ALG9: variants seen among roughly 807,000 people sequenced by gnomAD.
The protein encoded by ALG9 is ALG9 alpha-1,2-mannosyltransferase.
ALG9 carries 55 observed loss-of-function variants against 81.8 expected under a neutral mutation model. That is an observed-to-expected ratio of 0.67 (90% confidence interval 0.54 to 0.84). The LOEUF is 0.84. Among genes scored for constraint, ALG9 ranks in the 40% least tolerant of loss-of-function variants. The pLI is 0.00. For missense variants in ALG9, 629 were observed against 745.0 expected (o/e 0.84, Z 1.81); for synonymous variants, 278 against 274.3 (o/e 1.01, Z -0.13).
intron 14 of ALG9, among the ~76,000 whole-genome samples, chr11:111,803,140 T>C (rs1555081909): frequency 1.3e-5 from 2 of 152,202 alleles, no homozygotes; most frequent in Non-Finnish European, 2.9e-5. Context: ...TTTGTGGATG[T>C]TGACAAACTG....
intron 14 of ALG9, chr11:111,788,494 A>G (rs1364614684): frequency 2.2e-6 from 1 of 453,414 alleles, no homozygotes; most frequent in African/African-American, 2.0e-5. Flanking sequence ...CTGTAATCCC[A>G]ATATTTTGAG....
rs781974427 is a variant in ALG9 at position 111,786,393 on chromosome 11, G to A, written c.*4C>T. Reference sequence around the variant, plus strand: ...GGTTGTCCTTTGGGGCCACAGGTGTGTTGCTAACCTCCACTTTTCTTCCTG... The same window carrying A: ...GGTTGTCCTTTGGGGCCACAGGTGTATTGCTAACCTCCACTTTTCTTCCTG... On this transcript the variant is annotated 3_prime_UTR_variant, in exon 15 of 15. Transcript: ENST00000616540. 2.5e-5 allele frequency: 41 copies of A among 1,613,854 alleles called. No individual in the cohort carries two copies. In the Admixed American group the frequency reaches 6.8e-4, roughly 27 times the overall value.
intron 13 of ALG9, among the ~76,000 whole-genome samples, chr11:111,833,622 G>A (rs1954754300): frequency 6.6e-6 from 1 of 152,124 alleles, no homozygotes; most frequent in South Asian, 2.1e-4. Flanking sequence ...GCCACCCAGA[G>A]CTAAAGGTCC....
rs1946065058 is a variant in ALG9 at position 111,782,890 on chromosome 11, A to G, written c.*3507T>C. On this transcript the variant is annotated 3_prime_UTR_variant, in exon 15 of 15. Coordinates refer to ENST00000616540, the MANE Select transcript of ALG9 (RefSeq NM_024740.2). ...TTTAAAACAAAGGGTCTATTTCCAA[A>G]CTTGAATTCGGTAATAAAGAGTATG... is the stretch of plus-strand genomic sequence containing the variant. The G allele has an allele frequency of 6.6e-6, 1 of 152,226 alleles. No homozygotes were observed. Among genetic ancestry groups the G allele is most frequent in the Admixed American group, 6.5e-5 (1 of 15,282 alleles). The allele number at this position is 152,226 out of a possible 1,614,324, so 9.4% of individuals were successfully genotyped here.
At chr11:111,845,584 C>A (rs1400745670) in intron 8 of ALG9, among the ~76,000 whole-genome samples, 2 of 152,120 alleles carry the variant, frequency 1.3e-5, no homozygotes, top group Non-Finnish European at 2.9e-5. Context: ...TATTCTTTAA[C>A]TCAAAATCCT....
At chr11:111,862,887 G>GT (rs1555149297) in intron 4 of ALG9, among the ~76,000 whole-genome samples, 1 of 151,986 alleles carries the variant, frequency 6.6e-6, no homozygotes, top group African/African-American at 2.4e-5. Context: ...TGAACGTTCT[G>GT]TTGACTGTTA....
At chr11:111,840,029 G>A (rs1433295861) in intron 10 of ALG9, among the ~76,000 whole-genome samples, 4 of 152,170 alleles carry the variant, frequency 2.6e-5, no homozygotes, top group African/African-American at 9.6e-5. Flanking sequence ...GCACACATCT[G>A]TGAATAGACT....
At chr11:111,864,437 C>T (rs1961566402) in intron 4 of ALG9, 10 of 761,164 alleles carry the variant, frequency 1.3e-5, no homozygotes, top group Admixed American at 1.0e-4. Context: ...CTTCAGACCC[C>T]AGAAAATCTG....
intron 4 of ALG9, 67 bp downstream of exon 4, chr11:111,865,114 C>A: frequency 2.4e-6 from 3 of 1,267,208 alleles, no homozygotes; most frequent in Non-Finnish European, 3.3e-6. Flanking sequence ...TAGACTATCA[C>A]AACAGATAAT....
chr11:111,774,501 CAT>C, the ALG9 span, among the ~76,000 whole-genome samples: 14 of 152,338 alleles, frequency 9.2e-5, no homozygotes, highest in East Asian at 1.3e-3. Flanking sequence ...TAGAAGGACA[CAT>C]GTGATGAATA....
chr11:111,793,888 C>T (rs902486621), intron 14 of ALG9, among the ~76,000 whole-genome samples: 18 of 152,014 alleles, frequency 1.2e-4, no homozygotes, highest in African/African-American at 4.1e-4. Flanking sequence ...AAAACTCATA[C>T]AATAATGTCT....
At chr11:111,864,229 A>C in intron 4 of ALG9, 1 of 793,356 alleles carries the variant, frequency 1.3e-6, no homozygotes, top group Non-Finnish European at 2.2e-6. Flanking sequence ...CCAACCCACG[A>C]ACTGGCCCGG....
intron 14 of ALG9, among the ~76,000 whole-genome samples, chr11:111,788,159 C>A (rs139510027): frequency 9.2e-5 from 14 of 152,314 alleles, no homozygotes; most frequent in Non-Finnish European, 1.8e-4. Context: ...AAATTCTAAA[C>A]TTGTAAATGT....
intron 13 of ALG9, among the ~76,000 whole-genome samples, chr11:111,833,183 T>C (rs142260399): frequency 1.3e-5 from 2 of 152,306 alleles, no homozygotes; most frequent in East Asian, 3.9e-4. Flanking sequence ...CTAAATCATA[T>C]ACTAGATTTG....
chr11:111,836,116 T>C (rs373098545), intron 13 of ALG9, 49 bp downstream of exon 13: 43 of 1,611,642 alleles, frequency 2.7e-5, no homozygotes, highest in Middle Eastern at 1.6e-4. Context: ...AACAGACTTT[T>C]AGGCATAGAA....
intron 13 of ALG9, chr11:111,814,787 A>G (rs1468461750): frequency 6.6e-6 from 1 of 152,230 alleles, no homozygotes; most frequent in African/African-American, 2.4e-5. Flanking sequence ...CTCTCTAAAA[A>G]TGATCCTTTG....
chr11:111,870,206 AAG>A, intron 2 of ALG9, 24 bp downstream of exon 2: 1 of 1,604,766 alleles, frequency 6.2e-7, no homozygotes, highest in Non-Finnish European at 8.5e-7. Flanking sequence ...CAAGAACAAA[AAG>A]AGAAAACTAA....
intron 4 of ALG9, among the ~76,000 whole-genome samples, chr11:111,863,910 C>A (rs749274008): frequency 6.6e-6 from 1 of 152,082 alleles, no homozygotes; most frequent in Non-Finnish European, 1.5e-5. Context: ...TAGTTTTTAA[C>A]AGAATTAAAA....
In ALG9 at chr11:111,860,590, T is replaced by G. The variant is rs782560403; in HGVS notation, c.522A>C (p.Leu174=). The G allele has an allele frequency of 3.7e-6, 6 of 1,614,098 alleles. No individual in the cohort carries two copies. In the South Asian group the frequency reaches 6.6e-5, roughly 18 times the overall value. Reference sequence around the variant, plus strand: ...TGCCAGTGCTGAGAACCAAGAAGGCTAGCATCATTCGACTCACGTGCAACC... The same window carrying G: ...TGCCAGTGCTGAGAACCAAGAAGGCGAGCATCATTCGACTCACGTGCAACC... The part of the protein sequence containing the change: ...KFGLHVSRMM[L]AFLVLSTGMF... The change falls in exon 5 of 15, where the codon CTA becomes CTC. Residue 174 remains leucine, a synonymous_variant. Coordinates refer to ENST00000616540, the MANE Select transcript of ALG9 (RefSeq NM_024740.2).
Sources: allele counts gnomAD v4.1 joint callset (sites outside exome capture counted in the v4.1 genomes callset), GRCh38; gene constraint gnomAD v4.1.1; transcripts MANE v1.5; gene names NCBI Gene and HGNC (gene_info 2026-07-23, HGNC 2026-07-21).